LRRC4C: variants seen among roughly 807,000 people sequenced by gnomAD.
LRRC4C encodes leucine rich repeat containing 4C.
Under a neutral mutation model 33.6 loss-of-function variants are expected in LRRC4C, and 5 were observed. The observed-to-expected ratio is 0.15, with a 90% CI of 0.08 to 0.31. The LOEUF is 0.31. Ranked by LOEUF, LRRC4C falls within the 10% of genes least tolerant of loss-of-function variation. LRRC4C has a pLI of 1.00. For synonymous variants in LRRC4C, 329 were observed against 302.0 expected (o/e 1.09, Z -0.93); for missense variants, 560 against 796.7 (o/e 0.70, Z 3.58).
chr11:41,079,777 T>C (rs1397107573), intron 1 of LRRC4C, among the ~76,000 whole-genome samples: 1 of 152,142 alleles, frequency 6.6e-6, no homozygotes, highest in Non-Finnish European at 1.5e-5. Flanking sequence ...ATGAGGATTT[T>C]TTTTGTGATT....
chr11:40,737,407 T>A (rs1199402557), intron 2 of LRRC4C, among the ~76,000 whole-genome samples: 1 of 152,064 alleles, frequency 6.6e-6, no homozygotes, highest in East Asian at 1.9e-4. Context: ...GTTATTTGAA[T>A]AGGAAGAGAG....
chr11:40,249,906 T>A (rs1866644944), intron 4 of LRRC4C, among the ~76,000 whole-genome samples: 1 of 152,216 alleles, frequency 6.6e-6, no homozygotes, highest in Non-Finnish European at 1.5e-5. Flanking sequence ...CCCAATTTAG[T>A]GCAGAATAAA....
intron 2 of LRRC4C, among the ~76,000 whole-genome samples, chr11:40,888,485 C>T (rs1955560856): frequency 6.6e-6 from 1 of 151,934 alleles, no homozygotes; most frequent in Admixed American, 6.6e-5. Context: ...ATAATTCAGG[C>T]AGAATGTTGA....
chr11:41,160,790 G>C (rs1262564191), intron 1 of LRRC4C, among the ~76,000 whole-genome samples: 1 of 152,130 alleles, frequency 6.6e-6, no homozygotes, highest in Non-Finnish European at 1.5e-5. Flanking sequence ...AAGGAAGTTT[G>C]TACATATTGC....
intron 2 of LRRC4C, among the ~76,000 whole-genome samples, chr11:40,732,852 G>C (rs1032802825): frequency 6.6e-6 from 1 of 151,970 alleles, no homozygotes; most frequent in Non-Finnish European, 1.5e-5. Flanking sequence ...ATCTTTATTC[G>C]TGGAATATTT....
At chr11:41,393,391 A>G (rs1953680189) in intron 1 of LRRC4C, among the ~76,000 whole-genome samples, 1 of 151,786 alleles carries the variant, frequency 6.6e-6, no homozygotes, top group Non-Finnish European at 1.5e-5. Context: ...TTGTGAAAGT[A>G]TCTTAGGGAA....
At chr11:40,219,877 A>G (rs1864276502) in intron 5 of LRRC4C, among the ~76,000 whole-genome samples, 1 of 152,196 alleles carries the variant, frequency 6.6e-6, no homozygotes, top group Non-Finnish European at 1.5e-5. Flanking sequence ...CTAAATGAGT[A>G]GATTTTAGCT....
At chr11:40,940,652 T>C (rs1381061721) in intron 1 of LRRC4C, among the ~76,000 whole-genome samples, 1 of 152,166 alleles carries the variant, frequency 6.6e-6, no homozygotes, top group Non-Finnish European at 1.5e-5. Context: ...AAAACCTAAG[T>C]AGCTTTCTAA....
Position 40,260,563 on chromosome 11 carries a change from T to TA in LRRC4C, c.-175-18966dup, listed in dbSNP as rs1279036755. The stretch of plus-strand genomic sequence containing the variant: ...AAAACTTAAAGTAAAAAAAAAAAAT[T>TA]AAAAAAAATACCCATCCCTCAAAAA... On this transcript the variant is annotated intron_variant, in intron 4 of 6. Transcript: ENST00000528697. Among the ~76,000 whole-genome samples, 3 of 150,574 alleles carry TA rather than the reference T, an allele frequency of 2.0e-5. No individual in the cohort carries two copies. The East Asian group carries it at 5.9e-4, about 30-fold the overall frequency.
intron 1 of LRRC4C, among the ~76,000 whole-genome samples, chr11:41,027,552 G>T (rs187535457): frequency 2.0e-5 from 3 of 151,632 alleles, no homozygotes; most frequent in Admixed American, 6.6e-5. Flanking sequence ...TAATTTTAAC[G>T]TTAAAACATT....
chr11:40,970,059 G>A (rs1006037800), intron 1 of LRRC4C, among the ~76,000 whole-genome samples: 1 of 152,124 alleles, frequency 6.6e-6, no homozygotes, highest in African/African-American at 2.4e-5. Context: ...TCAGAGCTAT[G>A]AGAAGCAGAG....
At chr11:40,380,498 G>A (rs1047766204) in intron 3 of LRRC4C, among the ~76,000 whole-genome samples, 1 of 152,128 alleles carries the variant, frequency 6.6e-6, no homozygotes, top group Non-Finnish European at 1.5e-5. Context: ...TGTGTACTTA[G>A]TTCTTAATAC....
intron 1 of LRRC4C, among the ~76,000 whole-genome samples, chr11:41,006,621 A>C (rs1281013110): frequency 6.6e-6 from 1 of 152,146 alleles, no homozygotes. Flanking sequence ...CCATCAGAAT[A>C]ATGGCAAATA....
chr11:41,245,258 G>C (rs1392572657), intron 1 of LRRC4C, among the ~76,000 whole-genome samples: 1 of 152,188 alleles, frequency 6.6e-6, no homozygotes, highest in Non-Finnish European at 1.5e-5. Context: ...TCGGCCTGCT[G>C]GGCTTGTTCC....
chr11:40,753,749 C>A (rs978895741), intron 2 of LRRC4C, among the ~76,000 whole-genome samples: 1 of 151,688 alleles, frequency 6.6e-6, no homozygotes, highest in Non-Finnish European at 1.5e-5. Context: ...TTGATTGTTA[C>A]GTGAGTATGT....
At chr11:41,333,036 C>T (rs1951343906) in intron 1 of LRRC4C, among the ~76,000 whole-genome samples, 2 of 152,020 alleles carry the variant, frequency 1.3e-5, no homozygotes, top group African/African-American at 4.8e-5. Context: ...TTTAAAAAAA[C>T]AATGCAGATG....
At chr11:40,232,513 C>G (rs1331123527) in intron 5 of LRRC4C, among the ~76,000 whole-genome samples, 2 of 152,174 alleles carry the variant, frequency 1.3e-5, no homozygotes, top group Admixed American at 6.5e-5. Context: ...GGGTAAACAT[C>G]ACTTGTTATA....
At chr11:40,591,872 G>C (rs1366463754) in intron 3 of LRRC4C, among the ~76,000 whole-genome samples, 1 of 152,172 alleles carries the variant, frequency 6.6e-6, no homozygotes, top group Non-Finnish European at 1.5e-5. Context: ...TAGGGACTTT[G>C]CATAGGCTAG....
intron 1 of LRRC4C, among the ~76,000 whole-genome samples, chr11:41,218,351 C>T (rs1289985767): frequency 6.6e-5 from 10 of 152,132 alleles, no homozygotes. Context: ...TGCTTTTTTA[C>T]AATGAGAAGA....
Sources: allele counts gnomAD v4.1 joint callset (sites outside exome capture counted in the v4.1 genomes callset), GRCh38; gene constraint gnomAD v4.1.1; transcripts MANE v1.5; gene names NCBI Gene and HGNC (gene_info 2026-07-23, HGNC 2026-07-21).